WDPCP: variants seen among roughly 807,000 people sequenced by gnomAD.
WDPCP encodes the protein WD repeat containing planar cell polarity effector, also known as WD repeat-containing and planar cell polarity effector protein fritz homolog.
WDPCP carries 71 observed loss-of-function variants against 93.1 expected under a neutral mutation model. That is an observed-to-expected ratio of 0.76 (90% confidence interval 0.63 to 0.93). WDPCP has a LOEUF of 0.93. Ranked by LOEUF, WDPCP falls within the 40% of genes least tolerant of loss-of-function variation. The pLI is 0.00. For missense variants in WDPCP, 844 were observed against 887.4 expected (o/e 0.95, Z 0.62); for synonymous variants, 315 against 315.0 (o/e 1.00, Z 0.00).
chr2:63,274,556 A>T (rs908155684), intron 13 of WDPCP, among the ~76,000 whole-genome samples: 4 of 152,132 alleles, frequency 2.6e-5, no homozygotes, highest in African/African-American at 9.6e-5. Flanking sequence ...AAATCTATAC[A>T]TTTCTAGCTA....
chr2:63,382,970 T>G lies in WDPCP; in HGVS notation c.1436-876A>C, dbSNP rs943809971. On this transcript the variant is annotated intron_variant, in intron 10 of 17. Transcript: ENST00000272321. ...CAGGGTGGTTCCTTGGCAGTAGATA[T>G]TAATTCATAGGAACTTTGCAGGAAA... Among the ~76,000 whole-genome samples the G allele has an allele frequency of 3.3e-5, 5 of 152,150 alleles. No homozygotes were observed. The East Asian group carries it at 5.8e-4, about 18-fold the overall frequency.
rs1253793109 is a variant in WDPCP at position 63,243,208 on chromosome 2, T to C, written c.1915+16099A>G. Among the ~76,000 whole-genome samples the C allele has an allele frequency of 5.8e-4, 88 of 152,310 alleles. 1 individual carries two copies. The highest frequency in any genetic ancestry group is 5.6e-3 in the Admixed American group (85 of 15,292). On this transcript the variant is annotated intron_variant, in intron 14 of 17. Transcript: ENST00000272321. ...GGAAAACTTATTGAATGGCCATCTC[T>C]ATTACTTTCCTCACACAAATGGCTG...
intron 2 of WDPCP, chr2:63,717,180 T>C: frequency 2.2e-6 from 1 of 446,078 alleles, no homozygotes; most frequent in Non-Finnish European, 4.3e-6. Context: ...CATCTTTTTG[T>C]ATTCTTGCTG....
At chr2:63,151,966 C>T (rs1249584334) in intron 17 of WDPCP, among the ~76,000 whole-genome samples, 9 of 152,122 alleles carry the variant, frequency 5.9e-5, no homozygotes, top group Non-Finnish European at 1.0e-4. Flanking sequence ...ACAATAAATC[C>T]TAGCCTTTCT....
intron 17 of WDPCP, 99 bp from the exon 18 acceptor site, chr2:63,122,155 A>G: frequency 1.0e-6 from 1 of 993,268 alleles, no homozygotes; most frequent in Non-Finnish European, 1.6e-6. Flanking sequence ...AAATAGTGAA[A>G]CAAAATAAAA....
chr2:63,594,655 G>A, intron 3 of WDPCP: 1 of 1,109,462 alleles, frequency 9.0e-7, no homozygotes, highest in Non-Finnish European at 1.3e-6. Context: ...TCTGTATTTA[G>A]TTGTACACAA....
intron 17 of WDPCP, among the ~76,000 whole-genome samples, chr2:63,147,341 G>T (rs949613017): frequency 6.6e-6 from 1 of 152,094 alleles, no homozygotes; most frequent in African/African-American, 2.4e-5. Context: ...GAAGATGATT[G>T]ATTAACCTAA....
At chr2:63,251,906 T>C (rs919457541) in intron 14 of WDPCP, among the ~76,000 whole-genome samples, 3 of 151,228 alleles carry the variant, frequency 2.0e-5, no homozygotes, top group African/African-American at 7.3e-5. Context: ...AAAAATCAGG[T>C]AGGAGGGAAC....
chr2:63,129,049 T>A (rs1013093365), intron 17 of WDPCP, among the ~76,000 whole-genome samples: 1 of 152,242 alleles, frequency 6.6e-6, no homozygotes, highest in Non-Finnish European at 1.5e-5. Context: ...CTTTTGAGCC[T>A]CATTTCACTT....
At chr2:63,612,777 T>C (rs1709627793) in intron 3 of WDPCP, among the ~76,000 whole-genome samples, 1 of 152,190 alleles carries the variant, frequency 6.6e-6, no homozygotes, top group Admixed American at 6.5e-5. Flanking sequence ...GTGTACTACA[T>C]GTGTTAGTAA....
intron 2 of WDPCP, among the ~76,000 whole-genome samples, chr2:63,752,864 G>T (rs1389223003): frequency 6.6e-6 from 1 of 151,894 alleles, no homozygotes; most frequent in African/African-American, 2.4e-5. Context: ...GTTAATTTTT[G>T]TATTTTTTAA....
At chr2:63,335,036 A>AC (rs1487849109) in intron 12 of WDPCP, among the ~76,000 whole-genome samples, 2 of 152,154 alleles carry the variant, frequency 1.3e-5, no homozygotes, top group African/African-American at 4.8e-5. Flanking sequence ...TGCATATCTG[A>AC]TTGCTTCCTC....
chr2:63,522,154 G>C (rs1216925415), intron 1 of WDPCP, among the ~76,000 whole-genome samples: 2 of 151,864 alleles, frequency 1.3e-5, no homozygotes, highest in African/African-American at 4.8e-5. Flanking sequence ...ATCTACATTA[G>C]GTATTTCTTC....
intron 2 of WDPCP, among the ~76,000 whole-genome samples, chr2:63,686,290 A>G (rs888215196): frequency 2.6e-5 from 4 of 152,230 alleles, no homozygotes; most frequent in Non-Finnish European, 4.4e-5. Context: ...TGGCATTTCA[A>G]TATGTCAATA....
At chr2:63,134,369 A>G (rs532076640) in intron 17 of WDPCP, among the ~76,000 whole-genome samples, 42 of 152,330 alleles carry the variant, frequency 2.8e-4, no homozygotes, top group African/African-American at 9.6e-4. Flanking sequence ...ATTATGATCA[A>G]TAATACCCAC....
chr2:63,550,583 T>C (rs1460225585), intron 1 of WDPCP, among the ~76,000 whole-genome samples: 2 of 151,494 alleles, frequency 1.3e-5, no homozygotes, highest in African/African-American at 2.4e-5. Flanking sequence ...TCCTCAAAAT[T>C]CTGTCTTAGG....
chr2:63,674,008 T>C (rs1360359750), intron 2 of WDPCP, among the ~76,000 whole-genome samples: 1 of 152,186 alleles, frequency 6.6e-6, no homozygotes, highest in East Asian at 1.9e-4. Flanking sequence ...TTCCCCAGAA[T>C]ACTGTCATTG....
At chr2:63,229,211 T>G (rs1353640333) in intron 14 of WDPCP, 3 of 152,246 alleles carry the variant, frequency 2.0e-5, no homozygotes, top group East Asian at 1.9e-4. Flanking sequence ...TCATGTGTTT[T>G]TTGGCTGCAT....
chr2:63,687,952 G>A (rs1436304311), intron 2 of WDPCP, among the ~76,000 whole-genome samples: 1 of 152,180 alleles, frequency 6.6e-6, no homozygotes, highest in Non-Finnish European at 1.5e-5. Flanking sequence ...TCCATCAACA[G>A]ATGAATGGAT....
Sources: gnomAD v4.1 joint callset for allele counts (sites outside exome capture counted in the v4.1 genomes callset) on GRCh38, gnomAD v4.1.1 for gene constraint, MANE v1.5 for transcripts, NCBI Gene and HGNC (gene_info 2026-07-23, HGNC 2026-07-21) for gene names.